RABGAP1L: variants seen among roughly 807,000 people sequenced by gnomAD.
RABGAP1L encodes RAB GTPase activating protein 1 like, also known as rab GTPase-activating protein 1-like.
A neutral mutation model predicts 137.7 loss-of-function variants in RABGAP1L; 63 were observed. That is an observed-to-expected ratio of 0.46 (90% CI 0.37 to 0.56). RABGAP1L has a LOEUF of 0.56. Among genes scored for constraint, RABGAP1L ranks in the 20% least tolerant of loss-of-function variants. The pLI, the probability that RABGAP1L is intolerant of heterozygous loss-of-function variation, is 0.00. For missense variants in RABGAP1L, 1,095 were observed against 1,244.0 expected, an observed-to-expected ratio of 0.88 and a Z score of 1.80; for synonymous variants, 431 against 433.7, an observed-to-expected ratio of 0.99 and a Z score of 0.08.
intron 13 of RABGAP1L, among the ~76,000 whole-genome samples, chr1:174,632,409 C>G (rs1673480234): frequency 6.7e-6 from 1 of 148,270 alleles, no homozygotes; most frequent in Admixed American, 6.7e-5. Flanking sequence ...TTGTGGCATT[C>G]TCTGTATTTC....
At chr1:174,422,615 A>C (rs1651451223) in intron 13 of RABGAP1L, among the ~76,000 whole-genome samples, 2 of 152,240 alleles carry the variant, frequency 1.3e-5, no homozygotes, top group Admixed American at 1.3e-4. Context: ...TTAATCTTAA[A>C]TCAGTCAGGT....
chr1:174,678,634 C>T (rs890529391), intron 14 of RABGAP1L, among the ~76,000 whole-genome samples: 9 of 152,154 alleles, frequency 5.9e-5, no homozygotes, highest in Non-Finnish European at 1.2e-4. Flanking sequence ...GGTATTTGTT[C>T]TTAGAGTTCC....
chr1:174,988,972 C>A, intron 25 of RABGAP1L, 134 bp downstream of exon 25: 2 of 615,648 alleles, frequency 3.2e-6, no homozygotes, highest in Non-Finnish European at 4.9e-6. Flanking sequence ...ATGTGTCCTG[C>A]ATAATCACAT....
intron 14 of RABGAP1L, among the ~76,000 whole-genome samples, chr1:174,674,633 T>C (rs1677454025): frequency 6.6e-6 from 1 of 150,992 alleles, no homozygotes; most frequent in Non-Finnish European, 1.5e-5. Flanking sequence ...AAATGGTATT[T>C]CTAGTTCTAG....
intron 10 of RABGAP1L, among the ~76,000 whole-genome samples, chr1:174,296,049 C>T (rs1472782949): frequency 6.6e-6 from 1 of 151,924 alleles, no homozygotes; most frequent in South Asian, 2.1e-4. Context: ...GAGGATTGAG[C>T]CAAATAAATA....
intron 13 of RABGAP1L, among the ~76,000 whole-genome samples, chr1:174,408,484 G>T (rs866365969): frequency 3.3e-5 from 5 of 152,198 alleles, no homozygotes; most frequent in Middle Eastern, 3.4e-3. Context: ...CACTTGTGTT[G>T]ACTCCATGTC....
intron 23 of RABGAP1L, among the ~76,000 whole-genome samples, 181 bp from the exon 24 acceptor site, chr1:174,982,653 G>A (rs1184074627): frequency 6.6e-6 from 1 of 152,214 alleles, no homozygotes; most frequent in Non-Finnish European, 1.5e-5. Context: ...CTTTACATAT[G>A]GAACGCTCCA....
At chr1:174,784,019 T>C (rs1687256277) in intron 18 of RABGAP1L, among the ~76,000 whole-genome samples, 1 of 108,458 alleles carries the variant, frequency 9.2e-6, no homozygotes. Context: ...TTCTTTTTTT[T>C]TTTTTTTTTT....
At chr1:174,795,147 A>ACT (rs1688151068) in intron 18 of RABGAP1L, among the ~76,000 whole-genome samples, 1 of 151,674 alleles carries the variant, frequency 6.6e-6, no homozygotes, top group Non-Finnish European at 1.5e-5. Context: ...TTTTTCTCTT[A>ACT]CTCTCTCTTA....
At chr1:174,389,656 T>C (rs1251407660) in intron 12 of RABGAP1L, among the ~76,000 whole-genome samples, 5 of 152,160 alleles carry the variant, frequency 3.3e-5, no homozygotes, top group Non-Finnish European at 7.4e-5. Flanking sequence ...CTTTTTTGTT[T>C]AGCTTTAGTA....
intron 13 of RABGAP1L, among the ~76,000 whole-genome samples, chr1:174,585,075 A>T (rs1669019190): frequency 6.6e-6 from 1 of 152,226 alleles, no homozygotes; most frequent in South Asian, 2.1e-4. Flanking sequence ...TAAAATATTA[A>T]TAGTTTTTAA....
chr1:174,519,207 T>C (rs1229405109), intron 13 of RABGAP1L, among the ~76,000 whole-genome samples: 2 of 146,312 alleles, frequency 1.4e-5, no homozygotes, highest in Non-Finnish European at 3.0e-5. Context: ...TACACACACA[T>C]ACATATATAT....
At chr1:174,726,540 A>AG (rs796938963) in intron 17 of RABGAP1L, among the ~76,000 whole-genome samples, 2 of 152,030 alleles carry the variant, frequency 1.3e-5, no homozygotes, top group South Asian at 2.1e-4. Context: ...GGATAAAGAG[A>AG]GGGAAAAAAA....
intron 14 of RABGAP1L, 50 bp downstream of exon 14, chr1:174,637,538 T>C: frequency 7.4e-7 from 1 of 1,354,680 alleles, no homozygotes; most frequent in South Asian, 1.2e-5. Context: ...GAGCTATATT[T>C]TAGAAACCCA....
At chr1:174,615,268 C>T (rs1012573154) in intron 13 of RABGAP1L, among the ~76,000 whole-genome samples, 1 of 151,928 alleles carries the variant, frequency 6.6e-6, no homozygotes. Flanking sequence ...TGTGGATGTC[C>T]TGTTTTGTTA....
chr1:174,865,183 A>G (rs1650989243), intron 19 of RABGAP1L, among the ~76,000 whole-genome samples: 1 of 152,070 alleles, frequency 6.6e-6, no homozygotes, highest in East Asian at 1.9e-4. Flanking sequence ...ATTAGCAGTA[A>G]AAAGAACACA....
intron 13 of RABGAP1L, among the ~76,000 whole-genome samples, chr1:174,408,953 C>G (rs1225235843): frequency 2.0e-5 from 3 of 152,014 alleles, no homozygotes; most frequent in African/African-American, 7.2e-5. Context: ...CTTATAGATT[C>G]TAATGTTAGA....
rs539685435 is a variant in RABGAP1L, at chr1:174,830,728, C to T, written c.2340+18768C>T. ...CTGACCTCAGGTGATCTGCCCACCT[C>T]GGCATCCCAAAGTGCTGGGATTACA... On this transcript the variant is annotated intron_variant, in intron 19 of 25. Coordinates refer to ENST00000681986, the MANE Select transcript of RABGAP1L (RefSeq NM_001366446.1). Among the ~76,000 whole-genome samples, 68 of 148,296 alleles carry T rather than the reference C, an allele frequency of 4.6e-4. 5 individuals are homozygous for T. The highest frequency in any genetic ancestry group is 1.5e-3 in the African/African-American group (63 of 40,664).
intron 13 of RABGAP1L, among the ~76,000 whole-genome samples, chr1:174,618,387 C>T (rs1024110383): frequency 1.3e-5 from 2 of 152,184 alleles, no homozygotes; most frequent in African/African-American, 2.4e-5. Flanking sequence ...CTGGGAGGCA[C>T]CCTGCAGTAG....
Sources: allele counts gnomAD v4.1 joint callset (sites outside exome capture counted in the v4.1 genomes callset), GRCh38; gene constraint gnomAD v4.1.1; transcripts MANE v1.5; gene names NCBI Gene and HGNC (gene_info 2026-07-23, HGNC 2026-07-21).